The following THOC5 variants were observed in gnomAD, a reference collection of about 807,000 sequenced individuals.
THOC5 encodes THO complex subunit 5, also known as Fms-interacting protein.
In THOC5, 43 loss-of-function variants were observed where a neutral mutation model predicts 92.9. The ratio of observed to expected loss-of-function variants is 0.46; its 90% CI spans 0.36 to 0.60. The LOEUF is 0.60. Ranked by LOEUF, THOC5 falls within the 20% of genes least tolerant of loss-of-function variation. The pLI is 0.00. For missense variants in THOC5, 659 were observed against 849.4 expected (o/e 0.78, Z 2.79); for synonymous variants, 296 against 320.1 (o/e 0.92, Z 0.80).
chr22:29,516,983 G>C, intron 17 of THOC5, 46 bp downstream of exon 17: 1 of 1,593,504 alleles, frequency 6.3e-7, no homozygotes, highest in Non-Finnish European at 8.6e-7. Flanking sequence ...TTTGATTCTT[G>C]GCAGCGCCCT....
intron 1 of THOC5, among the ~76,000 whole-genome samples, chr22:29,551,459 G>T (rs2064142113): frequency 6.6e-6 from 1 of 152,032 alleles, no homozygotes; most frequent in South Asian, 2.1e-4. Flanking sequence ...AAGTGACTGG[G>T]CCCAACACCA....
At chr22:29,509,978 G>C (rs2063193650) in intron 19 of THOC5, among the ~76,000 whole-genome samples, 1 of 152,222 alleles carries the variant, frequency 6.6e-6, no homozygotes, top group Admixed American at 6.5e-5. Context: ...GTTCTGATTA[G>C]AAACAGATTA....
intron 13 of THOC5, 57 bp from the exon 14 acceptor site, chr22:29,520,161 G>C (rs2063411763): frequency 6.7e-7 from 1 of 1,486,532 alleles, no homozygotes; most frequent in South Asian, 1.2e-5. Context: ...TGTGGTCCCA[G>C]GATACAGCCT....
chr22:29,552,338 A>G (rs2064173097), intron 1 of THOC5, among the ~76,000 whole-genome samples: 1 of 149,354 alleles, frequency 6.7e-6, no homozygotes, highest in Non-Finnish European at 1.5e-5. Context: ...CTAGGAAGTG[A>G]GGAGTGTCTC....
At chr22:29,511,412 C>T (rs12167058) in intron 18 of THOC5, 116 bp from the exon 19 acceptor site, 366,394 of 1,148,228 alleles carry the variant, frequency 0.32, 62,666 homozygotes, top group Admixed American at 0.43. Context: ...AGGGGCTGGG[C>T]CAGGGGCTAG....
intron 1 of THOC5, among the ~76,000 whole-genome samples, chr22:29,551,290 C>A (rs552780197): frequency 6.6e-6 from 1 of 152,014 alleles, no homozygotes; most frequent in Admixed American, 6.6e-5. Flanking sequence ...AAAAATTAGC[C>A]GGGAGTGGAG....
intron 6 of THOC5, among the ~76,000 whole-genome samples, chr22:29,538,494 C>T (rs1015394224): frequency 4.0e-5 from 6 of 151,890 alleles, no homozygotes; most frequent in African/African-American, 9.7e-5. Flanking sequence ...ATAAGGTCTT[C>T]GGCATTAAAA....
In THOC5 at chr22:29,529,245, G is replaced by A. The variant is rs2063605744; in HGVS notation, c.848-6C>T. ...TGCCACAGATAACGTCTTATCTGGG[G>A]GGCAAGAAGAAGTCTGTTAGGAAAG... On this transcript the variant is annotated splice_polypyrimidine_tract_variant and splice_region_variant and intron_variant, in intron 8 of 19. Coordinates refer to ENST00000490103, the MANE Select transcript of THOC5 (RefSeq NM_003678.5). The A allele has an allele frequency of 6.2e-7, 1 of 1,614,040 alleles. No homozygotes were observed. Among genetic ancestry groups the A allele is most frequent in the Non-Finnish European group, 8.5e-7 (1 of 1,180,024 alleles).
chr22:29,529,785 A>G (rs2063616450), intron 8 of THOC5, among the ~76,000 whole-genome samples: 1 of 152,160 alleles, frequency 6.6e-6, no homozygotes, highest in South Asian at 2.1e-4. Context: ...TCTCAAACAC[A>G]TGACCTGGAA....
intron 13 of THOC5, among the ~76,000 whole-genome samples, chr22:29,520,398 G>A (rs955690163): frequency 2.0e-5 from 3 of 152,206 alleles, no homozygotes; most frequent in African/African-American, 7.2e-5. Context: ...TACCAATTTA[G>A]AAAATCTTTT....
At chr22:29,522,000 T>C (rs1024775884) in intron 12 of THOC5, among the ~76,000 whole-genome samples, 2 of 152,016 alleles carry the variant, frequency 1.3e-5, no homozygotes, top group African/African-American at 4.8e-5. Flanking sequence ...GTATCCCTGT[T>C]CCCCAAGGTC....
At chr22:29,542,683 G>C (rs2063922852) in intron 5 of THOC5, among the ~76,000 whole-genome samples, 176 bp downstream of exon 5, 1 of 152,044 alleles carries the variant, frequency 6.6e-6, no homozygotes, top group Non-Finnish European at 1.5e-5. Flanking sequence ...AGAATTGCTT[G>C]AACCCGGGAG....
At chr22:29,549,828 T>C (rs1011866839) in intron 1 of THOC5, among the ~76,000 whole-genome samples, 4 of 152,064 alleles carry the variant, frequency 2.6e-5, no homozygotes, top group Admixed American at 2.6e-4. Context: ...AAACACTCCA[T>C]GTCTTTTCCC....
chr22:29,550,228 A>AGCTT (rs2064113989), intron 1 of THOC5, among the ~76,000 whole-genome samples: 1 of 152,140 alleles, frequency 6.6e-6, no homozygotes, highest in African/African-American at 2.4e-5. Context: ...GAGGCTCGCA[A>AGCTT]GGGGAATTAC....
At position 29,549,242 on chromosome 22, in the gene THOC5, G is replaced by A. The variant is rs975803162; in HGVS notation, c.-11-84C>T. On this transcript the variant is annotated intron_variant, in intron 1 of 19. Transcript: ENST00000490103. ...AGCAGTTCTGGCCACTTACAGACTT[G>A]GTAACTCAAGGAAAGTCATTTAACC... 9.9e-6 allele frequency: 12 copies of A among 1,206,594 alleles called. No individual in the cohort carries two copies. The African/African-American group carries it at 1.7e-4, about 17-fold the overall frequency. 74.7% of individuals were successfully genotyped at this position (1,206,594 alleles called of 1,614,324 possible).
chr22:29,533,300 G>A (rs1355639188), intron 7 of THOC5, among the ~76,000 whole-genome samples: 1 of 152,210 alleles, frequency 6.6e-6, no homozygotes, highest in Non-Finnish European at 1.5e-5. Context: ...AAATAAGACA[G>A]TGTGATACTG....
chr22:29,508,474 A>G lies in THOC5; in HGVS notation c.2035T>C (p.Phe679Leu). ...GCGGGAGATCAGCGATGGCTGAAGAATCCCTGAGGATGGTTGTATTTAAAT... is the reference window on the plus strand; with the variant it reads ...GCGGGAGATCAGCGATGGCTGAAGAGTCCCTGAGGATGGTTGTATTTAAAT... ...KPFKYNHPQG[F>L]FSHR Residue 679 changes from phenylalanine (F) to leucine (L), a missense_variant, in exon 20 of 20, where the codon TTC becomes CTC. Coordinates refer to ENST00000490103, the MANE Select transcript of THOC5 (RefSeq NM_003678.5). The G allele has an allele frequency of 6.2e-7, 1 of 1,614,200 alleles. No individual in the cohort carries two copies.
At chr22:29,545,729 C>T (rs1369469727) in intron 2 of THOC5, among the ~76,000 whole-genome samples, 1 of 152,226 alleles carries the variant, frequency 6.6e-6, no homozygotes, top group Non-Finnish European at 1.5e-5. Context: ...ACCCCTGTGG[C>T]TTTGCAGGGT....
intron 7 of THOC5, among the ~76,000 whole-genome samples, chr22:29,532,559 G>A (rs1236971875): frequency 6.6e-6 from 1 of 152,218 alleles, no homozygotes; most frequent in African/African-American, 2.4e-5. Context: ...CAGCTACTCG[G>A]GAGGCTGAGG....
Sources: allele counts gnomAD v4.1 joint callset (sites outside exome capture counted in the v4.1 genomes callset), GRCh38; gene constraint gnomAD v4.1.1; transcripts MANE v1.5; gene names NCBI Gene and HGNC (gene_info 2026-07-23, HGNC 2026-07-21).